NSUN6: variants seen among roughly 807,000 people sequenced by gnomAD.
The protein encoded by NSUN6 is tRNA (cytosine(72)-C(5))-methyltransferase NSUN6.
In NSUN6, 64 loss-of-function variants were observed where a neutral mutation model predicts 58.0. The ratio of observed to expected loss-of-function variants is 1.10; its 90% CI spans 0.90 to 1.36. NSUN6 has a LOEUF of 1.36. Ranked by LOEUF, NSUN6 falls within the 40% of genes most tolerant of loss-of-function variation. NSUN6 has a pLI of 0.00. For synonymous variants in NSUN6, 231 were observed against 193.9 expected (o/e 1.19, Z -1.59); for missense variants, 701 against 550.1 (o/e 1.27, Z -2.74).
chr10:18,612,290 T>C (rs1445847725), intron 5 of NSUN6, among the ~76,000 whole-genome samples: 1 of 152,068 alleles, frequency 6.6e-6, no homozygotes, highest in Non-Finnish European at 1.5e-5. Flanking sequence ...GATCATGGTG[T>C]CATGTGCCTA....
At chr10:18,605,995 G>C (rs2131293264) in intron 6 of NSUN6, among the ~76,000 whole-genome samples, 1 of 152,258 alleles carries the variant, frequency 6.6e-6, no homozygotes, top group Non-Finnish European at 1.5e-5. Flanking sequence ...TGAGATTGCT[G>C]GATCAGAGAT....
At chr10:18,573,455 TATTCCATTCCATTCTCC>T (rs1381545447) in intron 8 of NSUN6, among the ~76,000 whole-genome samples, 1 of 150,554 alleles carries the variant, frequency 6.6e-6, no homozygotes, top group Admixed American at 6.6e-5. Flanking sequence ...TTCCATTCCA[TATTCCATTCCATTCTCC>T]ATTCCATTGC....
intron 7 of NSUN6, among the ~76,000 whole-genome samples, chr10:18,588,785 G>A (rs1381021567): frequency 6.6e-6 from 1 of 152,112 alleles, no homozygotes; most frequent in Non-Finnish European, 1.5e-5. Context: ...AAAGATCAAA[G>A]GTATATAAAT....
At chr10:18,600,978 G>GTATATATATA (rs56983139) in intron 6 of NSUN6, among the ~76,000 whole-genome samples, 1 of 77,004 alleles carries the variant, frequency 1.3e-5, no homozygotes, top group African/African-American at 4.8e-5. Flanking sequence ...ATATATATAT[G>GTATATATATA]TATATATATA....
chr10:18,546,391 C>G (rs2054262911), intron 10 of NSUN6, among the ~76,000 whole-genome samples: 1 of 152,196 alleles, frequency 6.6e-6, no homozygotes, highest in Non-Finnish European at 1.5e-5. Context: ...AACACTGTGA[C>G]ATTATCAAAG....
At chr10:18,619,413 G>C (rs533639352) in intron 3 of NSUN6, among the ~76,000 whole-genome samples, 1 of 152,220 alleles carries the variant, frequency 6.6e-6, no homozygotes, top group East Asian at 1.9e-4. Context: ...AATGACTACT[G>C]GGTATTTCTC....
At chr10:18,557,700 G>C (rs540291570) in intron 8 of NSUN6, among the ~76,000 whole-genome samples, 1 of 146,674 alleles carries the variant, frequency 6.8e-6, no homozygotes, top group East Asian at 2.1e-4. Context: ...AATGGAAAGC[G>C]GAATGAAATG....
chr10:18,585,079 T>A (rs368852980), intron 8 of NSUN6, among the ~76,000 whole-genome samples: 4 of 150,454 alleles, frequency 2.7e-5, no homozygotes, highest in African/African-American at 9.8e-5. Context: ...ATATCGCTAA[T>A]CATCAGGAAA....
chr10:18,562,168 G>A (rs2055562766), intron 8 of NSUN6, among the ~76,000 whole-genome samples: 1 of 150,268 alleles, frequency 6.7e-6, no homozygotes, highest in African/African-American at 2.5e-5. Flanking sequence ...GAATAGAATG[G>A]AGAATGGAAG....
At chr10:18,548,388 G>T in intron 9 of NSUN6, 151 bp from the exon 10 acceptor site, 1 of 646,172 alleles carries the variant, frequency 1.5e-6, no homozygotes, top group Non-Finnish European at 2.5e-6. Flanking sequence ...ATTAGAGTAT[G>T]CAAGAGCAAC....
chr10:18,549,885 A>G (rs2054497960), intron 9 of NSUN6, among the ~76,000 whole-genome samples: 1 of 152,220 alleles, frequency 6.6e-6, no homozygotes. Flanking sequence ...TTTTCTCAAT[A>G]AATCCTTATA....
chr10:18,570,108 C>T (rs1378607766), intron 8 of NSUN6, among the ~76,000 whole-genome samples: 1 of 150,462 alleles, frequency 6.6e-6, no homozygotes, highest in Non-Finnish European at 1.5e-5. Context: ...CTATTCTATT[C>T]CATTCTCCAT....
At chr10:18,639,536 A>G in intron 3 of NSUN6, among the ~76,000 whole-genome samples, 1 of 152,148 alleles carries the variant, frequency 6.6e-6, no homozygotes, top group Non-Finnish European at 1.5e-5. Context: ...CAGATACTTA[A>G]TAAAAATCAG....
chr10:18,604,072 C>G (rs2057955316), intron 6 of NSUN6, among the ~76,000 whole-genome samples: 1 of 152,036 alleles, frequency 6.6e-6, no homozygotes, highest in South Asian at 2.1e-4. Flanking sequence ...GTCCCACCTA[C>G]TCGGGAGGCT....
At chr10:18,551,055 A>C (rs1163881254) in intron 9 of NSUN6, among the ~76,000 whole-genome samples, 1 of 152,170 alleles carries the variant, frequency 6.6e-6, no homozygotes, top group Non-Finnish European at 1.5e-5. Flanking sequence ...AAAAAGAGTA[A>C]TTTATTTTAT....
intron 8 of NSUN6, among the ~76,000 whole-genome samples, chr10:18,566,434 G>A (rs1274965893): frequency 1.7e-4 from 20 of 115,758 alleles, no homozygotes; most frequent in Non-Finnish European, 1.4e-4. Context: ...AATCCATTCC[G>A]TTCAGCAATC....
At chr10:18,599,028 C>A (rs1476327306) in intron 6 of NSUN6, among the ~76,000 whole-genome samples, 1 of 152,044 alleles carries the variant, frequency 6.6e-6, no homozygotes, top group Non-Finnish European at 1.5e-5. Flanking sequence ...ATTAAATATT[C>A]AAATAGCAGG....
At chr10:18,609,799 T>C (rs770905557) in intron 6 of NSUN6, 46 bp downstream of exon 6, 5 of 982,342 alleles carry the variant, frequency 5.1e-6, no homozygotes, top group African/African-American at 3.4e-5. Flanking sequence ...AATTCACTGA[T>C]GTATGTTTCA....
At chr10:18,595,280 C>T (rs904437479) in intron 7 of NSUN6, among the ~76,000 whole-genome samples, 3 of 152,128 alleles carry the variant, frequency 2.0e-5, no homozygotes, top group Non-Finnish European at 4.4e-5. Context: ...CATCATAAAA[C>T]CAACAGAAAA....
Sources: allele counts gnomAD v4.1 joint callset (sites outside exome capture counted in the v4.1 genomes callset), GRCh38; gene constraint gnomAD v4.1.1; transcripts MANE v1.5; gene names NCBI Gene and HGNC (gene_info 2026-07-23, HGNC 2026-07-21).